The following CAMK1D variants were observed in gnomAD, a reference collection of about 807,000 sequenced individuals.
CAMK1D encodes calcium/calmodulin dependent protein kinase ID.
A neutral mutation model predicts 47.7 loss-of-function variants in CAMK1D; 9 were observed. That is an observed-to-expected ratio of 0.19 (90% CI 0.11 to 0.33). The LOEUF (loss-of-function observed/expected upper bound fraction) is 0.33, where lower values mean the gene tolerates loss of function less well. CAMK1D is among the 10% of genes least tolerant of loss of function. The probability of loss-of-function intolerance (pLI) is 1.00; values close to 1 mark genes in which losing one functional copy is unlikely to be tolerated. For missense variants in CAMK1D, 291 were observed against 488.7 expected (o/e 0.60, Z 3.81); for synonymous variants, 184 against 184.9 (o/e 0.99, Z 0.04).
chr10:12,673,629 T>C (rs1387038012), intron 3 of CAMK1D, among the ~76,000 whole-genome samples: 2 of 152,242 alleles, frequency 1.3e-5, no homozygotes, highest in Admixed American at 1.3e-4. Context: ...AAAACTTTGA[T>C]AGTTTAGTTC....
At chr10:12,795,807 C>T (rs530680284) in intron 6 of CAMK1D, among the ~76,000 whole-genome samples, 35 of 152,134 alleles carry the variant, frequency 2.3e-4, no homozygotes, top group Non-Finnish European at 4.6e-4. Context: ...TTTTTAAAAA[C>T]CCATGTGATG....
intron 2 of CAMK1D, among the ~76,000 whole-genome samples, chr10:12,645,475 T>C (rs1250073690): frequency 1.3e-5 from 2 of 152,178 alleles, no homozygotes; most frequent in Non-Finnish European, 2.9e-5. Context: ...TAGGGTGGGC[T>C]TATGTTAGAA....
Position 12,804,690 on chromosome 10 carries a change from TG to T in CAMK1D, c.642-9501del, listed in dbSNP as rs550909149. On this transcript the variant is annotated intron_variant, in intron 6 of 10. Coordinates refer to ENST00000619168, the MANE Select transcript of CAMK1D (RefSeq NM_153498.4). Reference sequence around the variant, plus strand: ...GGCTCATGCCTGCAATCCCAGGATTTGGGGAGGCCAAGGTGGGAGGATCTCT... The same window carrying T: ...GGCTCATGCCTGCAATCCCAGGATTTGGGAGGCCAAGGTGGGAGGATCTCT... 5.4e-5 allele frequency among the ~76,000 whole-genome samples: 8 copies of T among 149,476 alleles called. No individual in the cohort carries two copies. In the South Asian group the frequency reaches 1.7e-3, roughly 32 times the overall value.
At chr10:12,439,349 C>G (rs1046461358) in intron 1 of CAMK1D, among the ~76,000 whole-genome samples, 3 of 152,180 alleles carry the variant, frequency 2.0e-5, no homozygotes, top group Non-Finnish European at 2.9e-5. Flanking sequence ...GGAGGCCAGA[C>G]AGGGAGAGCC....
intron 2 of CAMK1D, among the ~76,000 whole-genome samples, chr10:12,592,552 AC>A (rs202014363): frequency 0.01 from 1,592 of 152,160 alleles, 19 homozygotes; most frequent in Admixed American, 0.019. Flanking sequence ...AGCCCACCCA[AC>A]CCCCCATTCT....
In CAMK1D at chr10:12,830,959, ACACAC is replaced by A. The variant is rs1243625864; in HGVS notation, c.*2073_*2077del. 1,092 of 147,056 alleles carry A rather than the reference ACACAC, an allele frequency of 7.4e-3. 6 individuals carry two copies. The highest frequency in any genetic ancestry group is 0.011 in the Non-Finnish European group (787 of 69,398). 9.1% of individuals were successfully genotyped at this position (147,056 alleles called of 1,614,324 possible). ...CACACACACACACACACACACACAC[ACACAC>A]AATGTTATTAGGCACAGCAGCTCCA... is the stretch of plus-strand genomic sequence containing the variant. On this transcript the variant is annotated 3_prime_UTR_variant, in exon 11 of 11. Transcript: ENST00000619168.
chr10:12,574,872 G>A (rs1167900941), intron 2 of CAMK1D, among the ~76,000 whole-genome samples: 2 of 152,184 alleles, frequency 1.3e-5, no homozygotes, highest in African/African-American at 4.8e-5. Flanking sequence ...CGTGAGTGAA[G>A]GAGGAGATGC....
rs188210415 is a variant in CAMK1D at position 12,426,059 on chromosome 10, C to G, written c.92+76149C>G. 2.0e-5 allele frequency among the ~76,000 whole-genome samples: 3 copies of G among 152,262 alleles called. No homozygotes were observed. In the East Asian group the frequency reaches 5.8e-4, roughly 29 times the overall value. ...TGATCTTGGTATTATTTTACAGTTT[C>G]CTCTTTAGTGCACCGTTCATGATAA... On this transcript the variant is annotated intron_variant, in intron 1 of 10. Transcript: ENST00000619168.
At chr10:12,354,961 C>T (rs1359512787) in intron 1 of CAMK1D, among the ~76,000 whole-genome samples, 1 of 151,350 alleles carries the variant, frequency 6.6e-6, no homozygotes, top group Non-Finnish European at 1.5e-5. Context: ...CCTTCCTGAA[C>T]CTCCAGAGTA....
intron 1 of CAMK1D, among the ~76,000 whole-genome samples, chr10:12,442,640 C>T (rs1026663349): frequency 2.6e-5 from 4 of 152,198 alleles, no homozygotes; most frequent in Non-Finnish European, 4.4e-5. Context: ...AAATGCATCT[C>T]AGCTTGAAAG....
rs1588828829 is a variant in CAMK1D, at chr10:12,706,706, A to C, written c.299+39896A>C. Among the ~76,000 whole-genome samples, 6 of 151,336 alleles carry C rather than the reference A, an allele frequency of 4.0e-5. No homozygotes were observed. The South Asian group carries it at 1.3e-3, about 32-fold the overall frequency. The stretch of plus-strand genomic sequence containing the variant: ...TAGGGAGCCAAGATTGTGCCACTGC[A>C]CTCCAGCTTGGGCAACAGAGTAAGA... On this transcript the variant is annotated intron_variant, in intron 3 of 10. Transcript: ENST00000619168.
In CAMK1D at chr10:12,537,940, T is replaced by C. The variant is rs1016160957; in HGVS notation, c.93-15285T>C. On this transcript the variant is annotated intron_variant, in intron 1 of 10. Transcript: ENST00000619168. ...AATTCTTCAAGGAACCCAGATTATC[T>C]TTCTATGTAATTAAGCACGGCCAAG... Among the ~76,000 whole-genome samples the C allele has an allele frequency of 6.5e-4, 99 of 152,200 alleles. 1 individual carries two copies. The highest frequency in any genetic ancestry group is 5.4e-3 in the Admixed American group (83 of 15,272).
At chr10:12,491,070 C>G (rs886159109) in intron 1 of CAMK1D, among the ~76,000 whole-genome samples, 7 of 152,102 alleles carry the variant, frequency 4.6e-5, no homozygotes, top group African/African-American at 1.7e-4. Flanking sequence ...TTGAGAAATG[C>G]TGATTTCTGT....
intron 1 of CAMK1D, among the ~76,000 whole-genome samples, chr10:12,400,602 A>G (rs527917011): frequency 2.0e-5 from 3 of 152,096 alleles, no homozygotes; most frequent in Non-Finnish European, 4.4e-5. Context: ...CCTACTAAAT[A>G]GTATATAAAA....
intron 6 of CAMK1D, among the ~76,000 whole-genome samples, chr10:12,807,346 A>T (rs567702992): frequency 2.0e-5 from 3 of 152,206 alleles, no homozygotes; most frequent in Admixed American, 6.5e-5. Flanking sequence ...TGATGCGGCC[A>T]CAAGCGTGGG....
chr10:12,366,983 G>C (rs1564295931), intron 1 of CAMK1D, among the ~76,000 whole-genome samples: 1 of 152,044 alleles, frequency 6.6e-6, no homozygotes, highest in South Asian at 2.1e-4. Context: ...GCCTTGCTTG[G>C]CTTATTCTCA....
intron 1 of CAMK1D, among the ~76,000 whole-genome samples, chr10:12,525,928 A>G (rs1229031108): frequency 1.3e-5 from 2 of 151,878 alleles, no homozygotes; most frequent in African/African-American, 2.4e-5. Context: ...TGATTTTTGT[A>G]TTTTTAGTAG....
chr10:12,597,870 C>G (rs924072622), intron 2 of CAMK1D, among the ~76,000 whole-genome samples: 3 of 152,210 alleles, frequency 2.0e-5, no homozygotes, highest in African/African-American at 7.2e-5. Context: ...ACCATCAGAA[C>G]ACTCAGAGAC....
chr10:12,749,548 TTTTTTGTTTG>T (rs1835840828), intron 3 of CAMK1D, among the ~76,000 whole-genome samples: 1 of 133,090 alleles, frequency 7.5e-6, no homozygotes, highest in Non-Finnish European at 1.6e-5. Flanking sequence ...TGTTTGTTTG[TTTTTTGTTTG>T]TTTGTTTGTT....
Sources: allele counts gnomAD v4.1 joint callset (sites outside exome capture counted in the v4.1 genomes callset), GRCh38; gene constraint gnomAD v4.1.1; transcripts MANE v1.5; gene names NCBI Gene and HGNC (gene_info 2026-07-23, HGNC 2026-07-21).